The following TASP1 variants were observed in gnomAD, a reference collection of about 807,000 sequenced individuals.
TASP1 encodes the protein taspase 1, also known as threonine aspartase 1.
Under a neutral mutation model 56.6 loss-of-function variants are expected in TASP1, and 16 were observed. The observed-to-expected ratio is 0.28, with a 90% CI of 0.19 to 0.43. TASP1 has a LOEUF of 0.43. Among genes scored for constraint, TASP1 ranks in the 20% least tolerant of loss-of-function variants. TASP1 has a pLI of 1.00. For missense variants in TASP1, 393 were observed against 511.6 expected, an observed-to-expected ratio of 0.77 and a Z score of 2.24; for synonymous variants, 179 against 184.2, an observed-to-expected ratio of 0.97 and a Z score of 0.23.
At chr20:13,144,420 T>C in the TASP1 span, among the ~76,000 whole-genome samples, 1 of 152,308 alleles carries the variant, frequency 6.6e-6, no homozygotes, top group South Asian at 2.1e-4. Context: ...GAAATAGATG[T>C]AGTAGCTATT....
the TASP1 span, among the ~76,000 whole-genome samples, chr20:13,344,242 G>A: frequency 1.3e-5 from 2 of 151,772 alleles, no homozygotes; most frequent in African/African-American, 2.4e-5. Context: ...ACAGTCTTAG[G>A]GACGACCTCA....
intron 6 of TASP1, among the ~76,000 whole-genome samples, chr20:13,574,608 C>T (rs1285032136): frequency 1.4e-5 from 2 of 146,546 alleles, no homozygotes; most frequent in Admixed American, 6.9e-5. Context: ...AAAGTTTAAC[C>T]ATGTTAAGTA....
chr20:13,361,993 A>G, the TASP1 span, among the ~76,000 whole-genome samples: 8 of 150,720 alleles, frequency 5.3e-5, no homozygotes, highest in Non-Finnish European at 8.8e-5. Flanking sequence ...TATCCAGGCC[A>G]TCACCAATCA....
intron 11 of TASP1, among the ~76,000 whole-genome samples, chr20:13,454,891 C>G (rs564841464): frequency 1.7e-3 from 255 of 152,166 alleles, no homozygotes; most frequent in Admixed American, 6.7e-3. Context: ...TACTTTATAG[C>G]TTGTCATTTT....
chr20:13,557,543 T>G (rs2046200155), intron 8 of TASP1, among the ~76,000 whole-genome samples: 1 of 151,116 alleles, frequency 6.6e-6, no homozygotes, highest in Admixed American at 6.6e-5. Context: ...AATCATTTAC[T>G]CTATGCAAAT....
the TASP1 span, among the ~76,000 whole-genome samples, chr20:13,205,944 C>T: frequency 6.6e-6 from 1 of 152,146 alleles, no homozygotes. Flanking sequence ...GAGTATTTAC[C>T]CTCTCCTCCT....
At chr20:13,488,826 T>C (rs1454438394) in intron 10 of TASP1, among the ~76,000 whole-genome samples, 2 of 152,092 alleles carry the variant, frequency 1.3e-5, no homozygotes. Context: ...AAAACTGCCA[T>C]CCATTAATTC....
the TASP1 span, among the ~76,000 whole-genome samples, chr20:13,163,122 C>T: frequency 7.0e-3 from 1,062 of 152,146 alleles, 17 homozygotes; most frequent in African/African-American, 0.024. Context: ...AATCCCAGCA[C>T]TTTGGGAGGT....
the TASP1 span, among the ~76,000 whole-genome samples, chr20:13,212,983 C>T: frequency 6.6e-6 from 1 of 152,102 alleles, no homozygotes; most frequent in Non-Finnish European, 1.5e-5. Context: ...TTAGTAAAGA[C>T]GTTAGAACCA....
At chr20:13,252,418 G>A in the TASP1 span, among the ~76,000 whole-genome samples, 2 of 152,140 alleles carry the variant, frequency 1.3e-5, no homozygotes, top group African/African-American at 4.8e-5. Flanking sequence ...TTCATCGTGG[G>A]GAGGCTTTTG....
chr20:13,420,848 C>T (rs1467958264), intron 12 of TASP1, among the ~76,000 whole-genome samples: 2 of 152,086 alleles, frequency 1.3e-5, no homozygotes, highest in Non-Finnish European at 2.9e-5. Flanking sequence ...GATCACAAAG[C>T]CTGTGGTATT....
chr20:13,581,260 A>C (rs991520374), intron 5 of TASP1, among the ~76,000 whole-genome samples: 2 of 152,216 alleles, frequency 1.3e-5, no homozygotes, highest in Non-Finnish European at 2.9e-5. Flanking sequence ...AATACTACAT[A>C]TTTAAATTAG....
intron 6 of TASP1, among the ~76,000 whole-genome samples, chr20:13,571,870 C>G (rs1031378168): frequency 6.6e-6 from 1 of 152,088 alleles, no homozygotes; most frequent in Admixed American, 6.5e-5. Context: ...CAAGGAGGCT[C>G]CAGCCTCAGG....
the TASP1 span, among the ~76,000 whole-genome samples, chr20:13,381,310 C>T: frequency 6.6e-6 from 1 of 152,200 alleles, no homozygotes; most frequent in African/African-American, 2.4e-5. Context: ...GTCCTCACAG[C>T]TTCCCTTGGC....
intron 10 of TASP1, among the ~76,000 whole-genome samples, chr20:13,509,124 A>ATGTGTGTGTGT (rs2044233630): frequency 2.8e-5 from 4 of 142,778 alleles, no homozygotes; most frequent in African/African-American, 1.0e-4. Context: ...GAATGAAGAA[A>ATGTGTGTGTGT]GTGTGTGTGT....
the TASP1 span, among the ~76,000 whole-genome samples, chr20:13,107,579 G>A: frequency 2.6e-5 from 4 of 152,116 alleles, no homozygotes; most frequent in Non-Finnish European, 5.9e-5. Context: ...CAGGAGGCCT[G>A]TTTTGCAGAT....
chr20:13,263,700 GGAAGGCGCACAGCCATGT>G, the TASP1 span, among the ~76,000 whole-genome samples: 3 of 152,328 alleles, frequency 2.0e-5, no homozygotes, highest in South Asian at 6.2e-4. Flanking sequence ...GTTTGAATGT[GGAAGGCGCACAGCCATGT>G]GCCTGGGTGC....
chr20:13,131,728 A>T, the TASP1 span, among the ~76,000 whole-genome samples: 1 of 152,036 alleles, frequency 6.6e-6, no homozygotes. Flanking sequence ...TATTCTCCCC[A>T]CTTTTGCTCT....
chr20:13,572,365 C>A (rs2046745631), intron 6 of TASP1, among the ~76,000 whole-genome samples: 1 of 152,148 alleles, frequency 6.6e-6, no homozygotes, highest in African/African-American at 2.4e-5. Context: ...CAACACTCTA[C>A]TGAAACCACC....
Sources: gnomAD v4.1 joint callset for allele counts (sites outside exome capture counted in the v4.1 genomes callset) on GRCh38, gnomAD v4.1.1 for gene constraint, MANE v1.5 for transcripts, NCBI Gene and HGNC (gene_info 2026-07-23, HGNC 2026-07-21) for gene names.